Variants in TMCC1 observed in about 807,000 individuals in gnomAD.
TMCC1 encodes transmembrane and coiled-coil domains protein 1.
A neutral mutation model predicts 52.4 loss-of-function variants in TMCC1; 15 were observed. That is an observed-to-expected ratio of 0.29 (90% CI 0.19 to 0.44). The LOEUF is 0.44. TMCC1 is among the 20% of genes least tolerant of loss of function. The probability of loss-of-function intolerance (pLI) is 1.00; values close to 1 mark genes in which losing one functional copy is unlikely to be tolerated. For missense variants in TMCC1, 503 were observed against 806.0 expected (o/e 0.62, Z 4.55); for synonymous variants, 279 against 301.9 (o/e 0.92, Z 0.79).
At chr3:129,797,492 T>C (rs937330918) in intron 4 of TMCC1, among the ~76,000 whole-genome samples, 7 of 151,008 alleles carry the variant, frequency 4.6e-5, no homozygotes, top group Non-Finnish European at 1.0e-4. Context: ...CTGTGATCCC[T>C]GCACTTTGGG....
intron 4 of TMCC1, among the ~76,000 whole-genome samples, chr3:129,686,890 T>C (rs1184453827): frequency 2.6e-5 from 4 of 151,832 alleles, no homozygotes; most frequent in Non-Finnish European, 4.4e-5. Flanking sequence ...GCCAAGAAAA[T>C]AGAGAATTTG....
At chr3:129,784,560 C>T (rs374255653) in intron 4 of TMCC1, among the ~76,000 whole-genome samples, 154 of 132,148 alleles carry the variant, frequency 1.2e-3, no homozygotes, top group African/African-American at 3.9e-3. Flanking sequence ...AGCGAGACTC[C>T]GTCTCAAAAA....
chr3:129,790,654 T>C (rs1383585283), intron 4 of TMCC1, among the ~76,000 whole-genome samples: 1 of 152,142 alleles, frequency 6.6e-6, no homozygotes, highest in African/African-American at 2.4e-5. Context: ...CCAGAGTAAT[T>C]TAAGAAGGAC....
At chr3:129,884,722 G>A (rs1210776140) in intron 1 of TMCC1, among the ~76,000 whole-genome samples, 4 of 152,066 alleles carry the variant, frequency 2.6e-5, no homozygotes, top group Non-Finnish European at 5.9e-5. Context: ...ATAAACAGTG[G>A]TTTTCAAAAT....
intron 4 of TMCC1, among the ~76,000 whole-genome samples, chr3:129,769,537 AG>A (rs1477292478): frequency 1.7e-5 from 1 of 60,300 alleles, no homozygotes; most frequent in Non-Finnish European, 3.2e-5. Flanking sequence ...GCCCATTATG[AG>A]ATTTTTTTTT....
rs758929094 is a variant in TMCC1 at position 129,862,689 on chromosome 3, G to T, written c.-184+17620C>A. 1.5e-3 allele frequency among the ~76,000 whole-genome samples: 230 copies of T among 152,132 alleles called. 2 individuals are homozygous for T. The highest frequency in any genetic ancestry group is 1.2e-3 in the Non-Finnish European group (83 of 68,014). ...CACAGCACAGATAGAAGGAAAAATA[G>T]AATTCAAAGACCTGAAACAAGCTCA... On this transcript the variant is annotated intron_variant, in intron 2 of 6. Coordinates refer to ENST00000393238, the MANE Select transcript of TMCC1 (RefSeq NM_001017395.5).
chr3:129,823,893 G>A (rs2058540110), intron 4 of TMCC1, among the ~76,000 whole-genome samples: 1 of 152,256 alleles, frequency 6.6e-6, no homozygotes. Context: ...TACTATATAT[G>A]TTTAGGAGTC....
chr3:129,705,575 G>T (rs2048158775), intron 4 of TMCC1, among the ~76,000 whole-genome samples: 1 of 150,814 alleles, frequency 6.6e-6, no homozygotes, highest in Non-Finnish European at 1.5e-5. Context: ...TCATTGGCCT[G>T]ACTTCTTTAT....
At chr3:129,688,518 C>G (rs1463669255) in intron 4 of TMCC1, 2 of 985,416 alleles carry the variant, frequency 2.0e-6, no homozygotes, top group Non-Finnish European at 2.4e-6. Context: ...CAGGCAGGTA[C>G]AGCCGCACCA....
chr3:129,766,220 G>C (rs1354987195), intron 4 of TMCC1, among the ~76,000 whole-genome samples: 3 of 152,180 alleles, frequency 2.0e-5, no homozygotes, highest in Non-Finnish European at 4.4e-5. Context: ...ATCCCTGTAT[G>C]AGCCAGAATT....
chr3:129,742,360 T>A (rs970765363), intron 4 of TMCC1, among the ~76,000 whole-genome samples: 2 of 151,928 alleles, frequency 1.3e-5, no homozygotes, highest in African/African-American at 4.8e-5. Context: ...ATATAAAAAA[T>A]TATAAGTCAA....
At chr3:129,660,022 T>C (rs993343979) in intron 5 of TMCC1, among the ~76,000 whole-genome samples, 2 of 152,226 alleles carry the variant, frequency 1.3e-5, no homozygotes, top group Non-Finnish European at 2.9e-5. Flanking sequence ...TTTTTCTCTT[T>C]TGTGAGTCTC....
intron 2 of TMCC1, among the ~76,000 whole-genome samples, chr3:129,852,851 G>A (rs956792071): frequency 1.3e-5 from 2 of 152,184 alleles, no homozygotes; most frequent in African/African-American, 2.4e-5. Flanking sequence ...ATTAAATGAT[G>A]TATTTCTGAG....
At chr3:129,859,613 A>G (rs1400557269) in intron 2 of TMCC1, among the ~76,000 whole-genome samples, 3 of 151,486 alleles carry the variant, frequency 2.0e-5, no homozygotes, top group Non-Finnish European at 4.4e-5. Context: ...CTCCAGCCTC[A>G]GCAACAGAGA....
Position 129,708,673 on chromosome 3 carries a change from A to C in TMCC1, c.577-37409T>G, listed in dbSNP as rs368689348. On this transcript the variant is annotated intron_variant, in intron 4 of 6. Transcript: ENST00000393238. ...GCCCAGGAATTAATGAAGAGGTTGA[A>C]CTGGACAGGGAGTATCCTGAAGCAA... Among the ~76,000 whole-genome samples the C allele has an allele frequency of 2.6e-4, 40 of 152,354 alleles. No homozygotes were observed. In the East Asian group the frequency reaches 3.3e-3, roughly 12 times the overall value.
intron 4 of TMCC1, among the ~76,000 whole-genome samples, chr3:129,799,310 G>A (rs2057039868): frequency 6.6e-6 from 1 of 152,152 alleles, no homozygotes; most frequent in South Asian, 2.1e-4. Context: ...GTAAATGCAT[G>A]AAAGGAAGAA....
At chr3:129,808,482 A>AAATAAT (rs556320460) in intron 4 of TMCC1, among the ~76,000 whole-genome samples, 4 of 150,942 alleles carry the variant, frequency 2.7e-5, no homozygotes, top group African/African-American at 4.9e-5. Flanking sequence ...ACTCCATCTC[A>AAATAAT]AATAATAATA....
intron 4 of TMCC1, among the ~76,000 whole-genome samples, chr3:129,789,003 G>T (rs1244460299): frequency 6.6e-6 from 1 of 152,162 alleles, no homozygotes; most frequent in Non-Finnish European, 1.5e-5. Context: ...AAATAGAAAT[G>T]CAAAACATTA....
intron 4 of TMCC1, among the ~76,000 whole-genome samples, chr3:129,750,878 T>TCTAA (rs2052450178): frequency 6.7e-6 from 1 of 149,330 alleles, no homozygotes; most frequent in South Asian, 2.2e-4. Flanking sequence ...CCCAGCCAGA[T>TCTAA]CTAAATATTT....
Sources: gnomAD v4.1 joint callset for allele counts (sites outside exome capture counted in the v4.1 genomes callset) on GRCh38, gnomAD v4.1.1 for gene constraint, MANE v1.5 for transcripts, NCBI Gene and HGNC (gene_info 2026-07-23, HGNC 2026-07-21) for gene names.